Variants in CCDC171 observed in about 807,000 individuals in gnomAD.
CCDC171 encodes coiled-coil domain-containing protein 171.
Under a neutral mutation model 168.2 loss-of-function variants are expected in CCDC171, and 177 were observed. The observed-to-expected ratio is 1.05, with a 90% CI of 0.93 to 1.19. The LOEUF (loss-of-function observed/expected upper bound fraction) is 1.19, where lower values mean the gene tolerates loss of function less well. Ranked by LOEUF, CCDC171 falls within the 50% of genes most tolerant of loss-of-function variation. The pLI, the probability that CCDC171 is intolerant of heterozygous loss-of-function variation, is 0.00. For missense variants in CCDC171, 1,991 were observed against 1,539.0 expected, an observed-to-expected ratio of 1.29 and a Z score of -4.91; for synonymous variants, 687 against 540.8, an observed-to-expected ratio of 1.27 and a Z score of -3.75.
At chr9:15,618,005 C>A (rs970227060) in intron 6 of CCDC171, among the ~76,000 whole-genome samples, 1 of 152,138 alleles carries the variant, frequency 6.6e-6, no homozygotes, top group African/African-American at 2.4e-5. Flanking sequence ...CTTGAGGAGG[C>A]AGTCTGTCCT....
intron 6 of CCDC171, among the ~76,000 whole-genome samples, chr9:15,609,519 T>C (rs965484665): frequency 3.9e-5 from 6 of 152,218 alleles, no homozygotes; most frequent in Non-Finnish European, 8.8e-5. Flanking sequence ...TAGCATGAGA[T>C]GGGATCTAAT....
At chr9:15,963,727 A>G (rs561803403) in intron 25 of CCDC171, among the ~76,000 whole-genome samples, 65 of 152,220 alleles carry the variant, frequency 4.3e-4, no homozygotes, top group African/African-American at 1.3e-3. Flanking sequence ...CTCTCCCCCA[A>G]TCAGACATCT....
At chr9:15,975,055 C>G (rs1276493797), downstream of CCDC171, among the ~76,000 whole-genome samples, 1 of 152,134 alleles carries the variant, frequency 6.6e-6, no homozygotes, top group Non-Finnish European at 1.5e-5. Context: ...AGATGCGTAC[C>G]ACTGTGCCCT....
intron 6 of CCDC171, among the ~76,000 whole-genome samples, chr9:15,609,063 A>C (rs2043451530): frequency 6.7e-6 from 1 of 150,272 alleles, no homozygotes; most frequent in Admixed American, 6.7e-5. Context: ...TTGTAGAGAC[A>C]GAGAGGCAAT....
At chr9:15,969,229 A>G (rs182174585) in intron 25 of CCDC171, among the ~76,000 whole-genome samples, 3 of 152,352 alleles carry the variant, frequency 2.0e-5, no homozygotes, top group East Asian at 3.9e-4. Flanking sequence ...AAGTAGACAT[A>G]TTAGAAAAAG....
At chr9:15,753,935 C>G (rs2055926184) in intron 18 of CCDC171, among the ~76,000 whole-genome samples, 1 of 152,150 alleles carries the variant, frequency 6.6e-6, no homozygotes, top group Non-Finnish European at 1.5e-5. Context: ...CTGGATATAA[C>G]TTGACCATCT....
intron 7 of CCDC171, among the ~76,000 whole-genome samples, chr9:15,650,015 A>G (rs975732080): frequency 2.6e-5 from 4 of 152,176 alleles, no homozygotes; most frequent in African/African-American, 9.7e-5. Context: ...TCCAACCATG[A>G]TAGACTGGAT....
At chr9:15,805,466 G>C (rs564536365) in intron 21 of CCDC171, among the ~76,000 whole-genome samples, 147 of 152,116 alleles carry the variant, frequency 9.7e-4, no homozygotes, top group Non-Finnish European at 1.7e-3. Context: ...TAGTTTCAAA[G>C]AACTTCTTGA....
At chr9:15,767,824 T>TCCCCTCCCC (rs1196063300) in intron 18 of CCDC171, among the ~76,000 whole-genome samples, 3 of 32,188 alleles carry the variant, frequency 9.3e-5, no homozygotes, top group Non-Finnish European at 2.2e-4. Context: ...TTTTCTTTTC[T>TCCCCTCCCC]TTCCCTCCTT....
intron 11 of CCDC171, among the ~76,000 whole-genome samples, chr9:15,700,723 C>A (rs900566048): frequency 6.6e-6 from 1 of 152,028 alleles, no homozygotes; most frequent in African/African-American, 2.4e-5. Flanking sequence ...TGGTCTCAAG[C>A]AGTCCTCCCA....
chr9:16,004,025 A>G (rs1201472855), intron 3 of CCDC171, among the ~76,000 whole-genome samples: 1 of 152,182 alleles, frequency 6.6e-6, no homozygotes, highest in African/African-American at 2.4e-5. Context: ...GGCATTGACC[A>G]GGTGATGCAG....
chr9:15,784,908 C>T (rs1419990423), intron 21 of CCDC171, among the ~76,000 whole-genome samples: 4 of 151,972 alleles, frequency 2.6e-5, no homozygotes, highest in Non-Finnish European at 4.4e-5. Context: ...TGGTTGAAAA[C>T]GAAGTGAAGG....
intron 21 of CCDC171, among the ~76,000 whole-genome samples, chr9:15,794,152 T>G (rs2058428252): frequency 6.6e-6 from 1 of 152,144 alleles, no homozygotes; most frequent in Admixed American, 6.5e-5. Flanking sequence ...GGAAGTTATC[T>G]TCCTGCATTA....
intron 6 of CCDC171, among the ~76,000 whole-genome samples, chr9:15,610,596 C>G (rs562689149): frequency 1.3e-4 from 19 of 151,374 alleles, no homozygotes; most frequent in African/African-American, 4.6e-4. Flanking sequence ...CCATTACACT[C>G]CAGCCTGGGT....
intron 23 of CCDC171, among the ~76,000 whole-genome samples, chr9:15,874,256 A>C (rs1025120893): frequency 1.3e-5 from 2 of 152,082 alleles, no homozygotes; most frequent in African/African-American, 2.4e-5. Context: ...AACTGTGAAA[A>C]AATAATTCAA....
At chr9:15,932,203 T>C (rs1261213152) in intron 25 of CCDC171, among the ~76,000 whole-genome samples, 1 of 151,972 alleles carries the variant, frequency 6.6e-6, no homozygotes, top group Non-Finnish European at 1.5e-5. Context: ...CTTTGGGCAG[T>C]ATGGCCATTT....
the CCDC171 span, among the ~76,000 whole-genome samples, chr9:16,077,353 C>A: frequency 6.6e-6 from 1 of 152,174 alleles, no homozygotes; most frequent in Non-Finnish European, 1.5e-5. Context: ...GGTCCCAATT[C>A]TCTGCTCCTT....
chr9:15,815,790 G>A lies in CCDC171; in HGVS notation c.3268-30912G>A, dbSNP rs2059543219. Among the ~76,000 whole-genome samples the A allele has an allele frequency of 2.6e-5, 3 of 116,154 alleles. 1 individual carries two copies. Among genetic ancestry groups the A allele is most frequent in the Non-Finnish European group, 5.8e-5 (3 of 51,828 alleles). The allele number at this position is 116,154 out of a possible 152,430, so 76.2% of individuals were successfully genotyped here. ...CCATTTTCATAAAGTAGGATTATTA[G>A]CATCATTACTTAATTTAAAAGTCTT... On this transcript the variant is annotated intron_variant, in intron 21 of 25. Coordinates refer to ENST00000380701, the MANE Select transcript of CCDC171 (RefSeq NM_173550.4).
chr9:15,625,094 G>T (rs1343425761), intron 7 of CCDC171, among the ~76,000 whole-genome samples: 3 of 152,042 alleles, frequency 2.0e-5, no homozygotes, highest in Non-Finnish European at 4.4e-5. Context: ...TCATGTGTCT[G>T]TTGGCTGCAT....
Sources: gnomAD v4.1 joint callset for allele counts (sites outside exome capture counted in the v4.1 genomes callset) on GRCh38, gnomAD v4.1.1 for gene constraint, MANE v1.5 for transcripts, NCBI Gene and HGNC (gene_info 2026-07-23, HGNC 2026-07-21) for gene names.